The following CEP112 variants were observed in gnomAD, a reference collection of about 807,000 sequenced individuals.
CEP112 encodes centrosomal protein 112, also known as centrosomal protein of 112 kDa.
A neutral mutation model predicts 153.0 loss-of-function variants in CEP112; 127 were observed. The ratio of observed to expected loss-of-function variants is 0.83; its 90% CI spans 0.72 to 0.96. CEP112 has a LOEUF of 0.96. Among genes scored for constraint, CEP112 ranks in the 40% least tolerant of loss-of-function variants. CEP112 has a pLI of 0.00. For missense variants in CEP112, 1,089 were observed against 1,101.2 expected, an observed-to-expected ratio of 0.99 and a Z score of 0.16; for synonymous variants, 358 against 374.4, an observed-to-expected ratio of 0.96 and a Z score of 0.51.
intron 21 of CEP112, among the ~76,000 whole-genome samples, chr17:65,751,810 C>T (rs1428130078): frequency 2.0e-5 from 3 of 152,048 alleles, no homozygotes; most frequent in African/African-American, 7.2e-5. Flanking sequence ...GATGAGAAAA[C>T]GAAGACACAG....
rs568132880 is a variant in CEP112 at position 65,837,299 on chromosome 17, G to A, written c.2394+14505C>T. On this transcript the variant is annotated intron_variant, in intron 21 of 26. Coordinates refer to ENST00000535342, the MANE Select transcript of CEP112 (RefSeq NM_001199165.4). ...ATGTGAGGAGCCCCTCTGCCCGGCC[G>A]CCCAGTCTGGAAAGTGAGGAGCGCC... 1.1e-3 allele frequency among the ~76,000 whole-genome samples: 169 copies of A among 151,556 alleles called. 2 individuals carry two copies. The East Asian group carries it at 0.028, about 25-fold the overall frequency.
chr17:65,970,493 T>G (rs953584857), intron 17 of CEP112, among the ~76,000 whole-genome samples: 1 of 136,830 alleles, frequency 7.3e-6, no homozygotes, highest in African/African-American at 2.7e-5. Context: ...GCATGCACAC[T>G]ACATGCATAT....
intron 12 of CEP112, among the ~76,000 whole-genome samples, chr17:66,042,180 C>T (rs569119149): frequency 3.9e-5 from 6 of 152,172 alleles, no homozygotes; most frequent in African/African-American, 4.8e-5. Flanking sequence ...AAAACCCTGT[C>T]TCTACTGAAA....
chr17:65,696,632 G>A (rs770255501), intron 23 of CEP112, among the ~76,000 whole-genome samples: 80 of 152,224 alleles, frequency 5.3e-4, no homozygotes, highest in Non-Finnish European at 6.6e-4. Flanking sequence ...GCAAAACTGA[G>A]TTTTAACAAT....
intron 17 of CEP112, among the ~76,000 whole-genome samples, chr17:65,970,220 T>G (rs1312348150): frequency 4.6e-5 from 2 of 43,062 alleles, no homozygotes; most frequent in African/African-American, 1.3e-4. Context: ...TGCATGCATA[T>G]ACCATGCATA....
At chr17:65,775,524 T>A (rs147281812) in intron 21 of CEP112, among the ~76,000 whole-genome samples, 4,016 of 152,160 alleles carry the variant, frequency 0.026, 91 homozygotes, top group South Asian at 0.057. Flanking sequence ...TTTTTTGAGA[T>A]GGAGTCTCGC....
chr17:65,646,513 C>T (rs113634031), intron 24 of CEP112, among the ~76,000 whole-genome samples: 24 of 152,286 alleles, frequency 1.6e-4, no homozygotes, highest in African/African-American at 5.5e-4. Flanking sequence ...AAAATTATCA[C>T]GAGCAAACAT....
At chr17:66,139,879 CTCAAACCCA>C (rs1044382579) in intron 4 of CEP112, among the ~76,000 whole-genome samples, 4 of 152,132 alleles carry the variant, frequency 2.6e-5, no homozygotes, top group Admixed American at 2.6e-4. Flanking sequence ...GCCAATCCTC[CTCAAACCCA>C]TTCAAAACAC....
chr17:65,766,961 C>G (rs1295049351), intron 21 of CEP112, among the ~76,000 whole-genome samples: 1 of 149,652 alleles, frequency 6.7e-6, no homozygotes, highest in African/African-American at 2.5e-5. Context: ...GTGGGGACTT[C>G]AATATCCCCC....
At chr17:65,972,750 G>A (rs2062889443) in intron 17 of CEP112, among the ~76,000 whole-genome samples, 2 of 152,134 alleles carry the variant, frequency 1.3e-5, no homozygotes, top group African/African-American at 4.8e-5. Context: ...CATAAAAGAA[G>A]AGAAAAAATA....
intron 17 of CEP112, among the ~76,000 whole-genome samples, chr17:65,988,027 C>G (rs1239863137): frequency 6.6e-6 from 1 of 152,132 alleles, no homozygotes; most frequent in Non-Finnish European, 1.5e-5. Context: ...TGTTCTGTAA[C>G]TTGGCCAAAA....
At position 65,700,748 on chromosome 17, in the gene CEP112, G is replaced by A. The variant is rs142030899; in HGVS notation, c.2608-11530C>T. On this transcript the variant is annotated intron_variant, in intron 23 of 26. Transcript: ENST00000535342. ...ATTTCCAATACAGGATGAACATTCA[G>A]GTGACAGTGTGGAAAATGGTGGCAG... Among the ~76,000 whole-genome samples the A allele has an allele frequency of 1.2e-4, 18 of 152,306 alleles. No individual in the cohort carries two copies. In the East Asian group the frequency reaches 3.5e-3, roughly 29 times the overall value.
rs553095450 is a variant in CEP112 at position 65,787,588 on chromosome 17, T to C, written c.2395-36864A>G. 1.2e-3 allele frequency among the ~76,000 whole-genome samples: 178 copies of C among 152,336 alleles called. 1 individual carries two copies. The highest frequency in any genetic ancestry group is 4.1e-3 in the African/African-American group (171 of 41,574). ...TAAGATACTTAAGGTATTCAAGATT[T>C]AGTGGGTATATTTCTCCATGATTTA... On this transcript the variant is annotated intron_variant, in intron 21 of 26. Coordinates refer to ENST00000535342, the MANE Select transcript of CEP112 (RefSeq NM_001199165.4).
At chr17:66,020,236 C>A (rs1307000686) in intron 16 of CEP112, among the ~76,000 whole-genome samples, 1 of 152,124 alleles carries the variant, frequency 6.6e-6, no homozygotes, top group Non-Finnish European at 1.5e-5. Flanking sequence ...ATGCCTTATA[C>A]AGGAAGCAAG....
Position 66,051,148 on chromosome 17 carries a change from T to C in CEP112, c.1218+2588A>G, listed in dbSNP as rs1349589808. On this transcript the variant is annotated intron_variant, in intron 12 of 26. Transcript: ENST00000535342. The stretch of plus-strand genomic sequence containing the variant: ...GCACACCCCCCCGGGCCTAGCTAAT[T>C]TTTTTTTTTTTTAAGAGACATGGTC... 3.2e-4 allele frequency among the ~76,000 whole-genome samples: 17 copies of C among 53,770 alleles called. No homozygotes were observed. The Admixed American group carries it at 6.5e-3, about 21-fold the overall frequency. 35.3% of individuals were successfully genotyped at this position (53,770 alleles called of 152,430 possible).
chr17:65,765,824 C>G (rs540037585), intron 21 of CEP112, among the ~76,000 whole-genome samples: 2 of 152,160 alleles, frequency 1.3e-5, no homozygotes, highest in Admixed American at 6.5e-5. Flanking sequence ...CCCTTTTCAA[C>G]CAGCACATTA....
At chr17:65,716,907 G>C (rs1031052174) in intron 23 of CEP112, among the ~76,000 whole-genome samples, 1 of 152,168 alleles carries the variant, frequency 6.6e-6, no homozygotes, top group East Asian at 1.9e-4. Context: ...GACAGGAATG[G>C]AAGGCTGGGA....
chr17:66,041,097 G>GA (rs2065955899), intron 12 of CEP112, among the ~76,000 whole-genome samples: 3 of 7,464 alleles, frequency 4.0e-4, no homozygotes, highest in Admixed American at 2.7e-3. Flanking sequence ...AAATGGCTTG[G>GA]TAAAAAAAAA....
chr17:65,852,634 A>G (rs1217579866), intron 20 of CEP112, among the ~76,000 whole-genome samples: 2 of 150,900 alleles, frequency 1.3e-5, no homozygotes, highest in Non-Finnish European at 2.9e-5. Flanking sequence ...ACTTGTTTCT[A>G]ATTTCTATGT....
Sources: allele counts gnomAD v4.1 joint callset (sites outside exome capture counted in the v4.1 genomes callset), GRCh38; gene constraint gnomAD v4.1.1; transcripts MANE v1.5; gene names NCBI Gene and HGNC (gene_info 2026-07-23, HGNC 2026-07-21).